Variants in VPS13B observed in about 807,000 individuals in gnomAD.
VPS13B encodes vacuolar protein sorting 13 homolog B.
Under a neutral mutation model 426.4 loss-of-function variants are expected in VPS13B, and 285 were observed. That is an observed-to-expected ratio of 0.67 (90% CI 0.61 to 0.74). The LOEUF (loss-of-function observed/expected upper bound fraction) is 0.74, where lower values mean the gene tolerates loss of function less well. Among genes scored for constraint, VPS13B ranks in the 30% least tolerant of loss-of-function variants. The pLI is 0.00. For synonymous variants in VPS13B, 1,676 were observed against 1,676.4 expected (o/e 1.00, Z 0.01); for missense variants, 4,537 against 4,782.6 (o/e 0.95, Z 1.51).
At chr8:99,241,948 A>G (rs1218469278) in intron 17 of VPS13B, among the ~76,000 whole-genome samples, 1 of 152,176 alleles carries the variant, frequency 6.6e-6, no homozygotes, top group African/African-American at 2.4e-5. Flanking sequence ...ATTGCTTATG[A>G]AGCAGTGATT....
intron 21 of VPS13B, among the ~76,000 whole-genome samples, chr8:99,405,724 C>T (rs568511823): frequency 6.6e-6 from 1 of 152,052 alleles, no homozygotes; most frequent in African/African-American, 2.4e-5. Flanking sequence ...GCATCTTTGT[C>T]ATTTTTCCTT....
At chr8:99,710,936 T>C (rs962654915) in intron 36 of VPS13B, among the ~76,000 whole-genome samples, 9 of 148,760 alleles carry the variant, frequency 6.1e-5, no homozygotes, top group African/African-American at 2.2e-4. Flanking sequence ...ACCAGGGAGG[T>C]AGAGGTTGCA....
intron 17 of VPS13B, among the ~76,000 whole-genome samples, chr8:99,224,983 T>C (rs1429032640): frequency 6.6e-6 from 1 of 152,222 alleles, no homozygotes; most frequent in African/African-American, 2.4e-5. Flanking sequence ...TTAGCTTTGA[T>C]GCTGAGTCCG....
intron 9 of VPS13B, 48 bp downstream of exon 9, chr8:99,134,775 A>C: frequency 6.9e-7 from 1 of 1,444,444 alleles, no homozygotes; most frequent in Non-Finnish European, 9.6e-7. Flanking sequence ...TTGTTCTTTA[A>C]TATTTTATAA....
At chr8:99,661,325 T>C (rs1168390055) in intron 34 of VPS13B, 29 bp from the exon 35 acceptor site, 1 of 1,613,044 alleles carries the variant, frequency 6.2e-7, no homozygotes, top group Non-Finnish European at 8.5e-7. Context: ...ATGTAACTGA[T>C]GTTTTTAATT....
intron 33 of VPS13B, among the ~76,000 whole-genome samples, chr8:99,579,657 C>T (rs533349621): frequency 1.4e-4 from 22 of 152,120 alleles, no homozygotes; most frequent in Admixed American, 1.4e-3. Flanking sequence ...CTTGGCCTCC[C>T]AAAGTGCTGG....
intron 30 of VPS13B, among the ~76,000 whole-genome samples, chr8:99,543,265 A>G (rs1044873479): frequency 2.0e-5 from 3 of 152,230 alleles, no homozygotes; most frequent in East Asian, 3.8e-4. Flanking sequence ...CCATATGTAG[A>G]AAGCTGAAAC....
At chr8:99,377,714 AG>A (rs10717029) in intron 19 of VPS13B, among the ~76,000 whole-genome samples, 7,474 of 152,216 alleles carry the variant, frequency 0.049, 206 homozygotes, top group African/African-American at 0.071. Flanking sequence ...GAAATATTAA[AG>A]CTGGGTGTCT....
intron 19 of VPS13B, among the ~76,000 whole-genome samples, chr8:99,290,880 G>T (rs554866452): frequency 6.6e-6 from 1 of 152,018 alleles, no homozygotes; most frequent in Non-Finnish European, 1.5e-5. Context: ...ATTTGAATGG[G>T]ATGGGATCAA....
At position 99,720,342 on chromosome 8, in the gene VPS13B, A is replaced by T. The variant is rs994417111; in HGVS notation, c.6658-3A>T. On this transcript the variant is annotated splice_polypyrimidine_tract_variant and splice_region_variant and intron_variant, in intron 37 of 61. Coordinates refer to ENST00000357162, the MANE Select transcript of VPS13B (RefSeq NM_152564.5). Reference sequence around the variant, plus strand: ...CTACTAGAATTTTTTTATGATTTTAAAGGTCTTCTGGGGTCAAGAACATTT... The same window carrying T: ...CTACTAGAATTTTTTTATGATTTTATAGGTCTTCTGGGGTCAAGAACATTT... 2.5e-6 allele frequency: 4 copies of T among 1,611,544 alleles called. No homozygotes were observed. The highest frequency in any genetic ancestry group is 3.4e-6 in the Non-Finnish European group (4 of 1,179,418).
At chr8:99,794,835 T>G (rs187920294) in intron 43 of VPS13B, among the ~76,000 whole-genome samples, 46 of 152,308 alleles carry the variant, frequency 3.0e-4, no homozygotes, top group Middle Eastern at 3.4e-3. Flanking sequence ...TACTTTAAGA[T>G]TTTTCTGATA....
At chr8:99,279,367 C>T (rs1431681982) in intron 19 of VPS13B, among the ~76,000 whole-genome samples, 3 of 152,052 alleles carry the variant, frequency 2.0e-5, no homozygotes, top group South Asian at 4.2e-4. Context: ...CTGCAACCTC[C>T]GCTTCCTGGG....
At position 99,021,404 on chromosome 8, in the gene VPS13B, C is replaced by T. The variant is rs560453659; in HGVS notation, c.147+7469C>T. The stretch of plus-strand genomic sequence containing the variant: ...TTGGGAGGCCGAGGCGGGTGGATCA[C>T]GATGTCAGGAGTTCGAGACCAGCCT... On this transcript the variant is annotated intron_variant, in intron 2 of 61. Coordinates refer to ENST00000357162, the MANE Select transcript of VPS13B (RefSeq NM_152564.5). Among the ~76,000 whole-genome samples the T allele has an allele frequency of 2.1e-3, 316 of 152,160 alleles. 1 individual carries two copies. The highest frequency in any genetic ancestry group is 3.5e-3 in the Non-Finnish European group (241 of 67,988).
rs182082022 is a variant in VPS13B at position 99,876,873 on chromosome 8, G to C, written c.*1207G>C. The C allele has an allele frequency of 1.5e-4, 22 of 151,496 alleles. No homozygotes were observed. In the East Asian group the frequency reaches 4.1e-3, roughly 28 times the overall value. 9.4% of individuals were successfully genotyped at this position (151,496 alleles called of 1,614,324 possible). The stretch of plus-strand genomic sequence containing the variant: ...CCACTGGTTTTATTTGTTTTGGAGA[G>C]AGGGTCTCATTCTGTCACCCAGGCT... On this transcript the variant is annotated 3_prime_UTR_variant, in exon 62 of 62. Coordinates refer to ENST00000357162, the MANE Select transcript of VPS13B (RefSeq NM_152564.5).
In VPS13B at chr8:99,111,147, T is replaced by C. The variant is rs2132481732; in HGVS notation, c.630T>C (p.Val210=). Reference sequence around the variant, plus strand: ...TTATCAATTTTTCTGACTGTACAGTTTGTCTTGATAAACGGAATGCCAGTG... The same window carrying C: ...TTATCAATTTTTCTGACTGTACAGTCTGTCTTGATAAACGGAATGCCAGTG... ...RKVINFSDCT[V]CLDKRNASGK... The change falls in exon 6 of 62, where the codon GTT becomes GTC. Residue 210 remains valine, a synonymous_variant. Coordinates refer to ENST00000357162, the MANE Select transcript of VPS13B (RefSeq NM_152564.5). The C allele has an allele frequency of 6.2e-7, 1 of 1,607,752 alleles. No individual in the cohort carries two copies.
intron 33 of VPS13B, among the ~76,000 whole-genome samples, chr8:99,598,205 T>C (rs1415026359): frequency 6.6e-6 from 1 of 152,068 alleles, no homozygotes; most frequent in Non-Finnish European, 1.5e-5. Flanking sequence ...AGATCCGTTT[T>C]AGTCTGAAGC....
intron 17 of VPS13B, among the ~76,000 whole-genome samples, chr8:99,197,879 A>G (rs994334144): frequency 6.6e-6 from 1 of 152,078 alleles, no homozygotes; most frequent in Non-Finnish European, 1.5e-5. Context: ...GTTTTCCCCA[A>G]GATTTCTTTT....
intron 39 of VPS13B, among the ~76,000 whole-genome samples, 173 bp downstream of exon 39, chr8:99,721,220 AAATAAGGT>A (rs1833116520): frequency 6.6e-6 from 1 of 152,196 alleles, no homozygotes. Flanking sequence ...GGATTTTAAA[AAATAAGGT>A]AATAATGTAA....
At chr8:99,439,685 G>A (rs1198355381) in intron 22 of VPS13B, among the ~76,000 whole-genome samples, 3 of 151,980 alleles carry the variant, frequency 2.0e-5, no homozygotes, top group Non-Finnish European at 2.9e-5. Context: ...TTATTGAAAA[G>A]GGAAGAAAAT....
Sources: gnomAD v4.1 joint callset for allele counts (sites outside exome capture counted in the v4.1 genomes callset) on GRCh38, gnomAD v4.1.1 for gene constraint, MANE v1.5 for transcripts, NCBI Gene and HGNC (gene_info 2026-07-23, HGNC 2026-07-21) for gene names.